The following GIGYF2 variants were observed in gnomAD, a reference collection of about 807,000 sequenced individuals.
GIGYF2 encodes the protein GRB10-interacting GYF protein 2.
A neutral mutation model predicts 208.1 loss-of-function variants in GIGYF2; 25 were observed. The ratio of observed to expected loss-of-function variants is 0.12; its 90% CI spans 0.09 to 0.17. The LOEUF is 0.17. GIGYF2 is among the 10% of genes least tolerant of loss of function. The pLI, the probability that GIGYF2 is intolerant of heterozygous loss-of-function variation, is 1.00. For synonymous variants in GIGYF2, 534 were observed against 543.8 expected (o/e 0.98, Z 0.25); for missense variants, 1,302 against 1,579.4 (o/e 0.82, Z 2.98).
At chr2:232,707,744 T>C (rs906113190) in intron 2 of GIGYF2, among the ~76,000 whole-genome samples, 13 of 151,846 alleles carry the variant, frequency 8.6e-5, no homozygotes, top group Admixed American at 6.6e-5. Context: ...TTCAAGCGAT[T>C]TTCCTGCCTC....
At chr2:232,830,060 A>C (rs576198469) in intron 21 of GIGYF2, among the ~76,000 whole-genome samples, 2 of 152,112 alleles carry the variant, frequency 1.3e-5, no homozygotes, top group Non-Finnish European at 2.9e-5. Flanking sequence ...ACTCACTACA[A>C]CCTTGAACTC....
At chr2:232,771,249 A>G in intron 8 of GIGYF2, 4 of 1,609,702 alleles carry the variant, frequency 2.5e-6, no homozygotes, top group Non-Finnish European at 3.4e-6. Context: ...GAAGATATGC[A>G]AGACCTCTTT....
chr2:232,710,015 A>C (rs1204277019), intron 2 of GIGYF2, among the ~76,000 whole-genome samples: 1 of 151,956 alleles, frequency 6.6e-6, no homozygotes, highest in South Asian at 2.1e-4. Context: ...GCTGGAGTGC[A>C]GTGGCGTGAT....
At chr2:232,726,295 GGA>G (rs1697198330) in intron 2 of GIGYF2, among the ~76,000 whole-genome samples, 1 of 151,582 alleles carries the variant, frequency 6.6e-6, no homozygotes, top group Non-Finnish European at 1.5e-5. Flanking sequence ...CTTGAACCTG[GGA>G]GGCGGAGGTT....
Position 232,735,189 on chromosome 2 carries a change from C to T in GIGYF2, c.-9C>T. ...CATATAAAAATCTATTGTAAAAATA[C>T]GGAAAAGAATGGCAGCGGAAACGCA... On this transcript the variant is annotated 5_prime_UTR_variant, in exon 3 of 29. In the 5' UTR this introduces an upstream ATG that the reference lacks. Coordinates refer to ENST00000373563, the MANE Select transcript of GIGYF2 (RefSeq NM_001103146.3). The T allele has an allele frequency of 2.5e-6, 4 of 1,590,802 alleles. No homozygotes were observed. The highest frequency in any genetic ancestry group is 3.5e-6 in the Non-Finnish European group (4 of 1,158,990).
At chr2:232,817,114 C>A (rs1052924299) in intron 20 of GIGYF2, 82 bp downstream of exon 20, 2 of 1,027,924 alleles carry the variant, frequency 1.9e-6, no homozygotes, top group African/African-American at 1.6e-5. Context: ...TTCACAGATA[C>A]TCCTGAAGTC....
At chr2:232,745,364 A>G (rs912523138) in intron 3 of GIGYF2, among the ~76,000 whole-genome samples, 1 of 152,164 alleles carries the variant, frequency 6.6e-6, no homozygotes, top group Non-Finnish European at 1.5e-5. Flanking sequence ...ACATTCTGAC[A>G]TACCAGATAG....
At chr2:232,756,371 G>A in intron 6 of GIGYF2, 37 bp downstream of exon 6, 1 of 1,090,252 alleles carries the variant, frequency 9.2e-7, no homozygotes. Context: ...AATGGAGGAG[G>A]AGGAGGAGGA....
chr2:232,823,496 G>A (rs950501727), intron 21 of GIGYF2, among the ~76,000 whole-genome samples: 7 of 151,502 alleles, frequency 4.6e-5, no homozygotes, highest in Non-Finnish European at 7.4e-5. Flanking sequence ...TGGGCCACAT[G>A]CTCATGCCAC....
intron 19 of GIGYF2, among the ~76,000 whole-genome samples, chr2:232,816,339 A>G (rs1439247198): frequency 6.6e-6 from 1 of 152,190 alleles, no homozygotes; most frequent in East Asian, 1.9e-4. Flanking sequence ...TACTTAATGC[A>G]TTCTTATCCC....
chr2:232,768,930 G>T, intron 8 of GIGYF2: 1 of 872,172 alleles, frequency 1.1e-6, no homozygotes, highest in Non-Finnish European at 1.8e-6. Flanking sequence ...GCCTTTCAGT[G>T]AGTCAGGAAT....
At chr2:232,824,128 C>T (rs1392811742) in intron 21 of GIGYF2, among the ~76,000 whole-genome samples, 1 of 152,172 alleles carries the variant, frequency 6.6e-6, no homozygotes, top group East Asian at 1.9e-4. Flanking sequence ...CTCTTCCTCT[C>T]CTTCGACCTC....
chr2:232,761,402 C>T lies in GIGYF2; in HGVS notation c.498C>T (p.Asp166=), dbSNP rs1276980199. The change falls in exon 8 of 29, where the codon GAC becomes GAT. Residue 166 remains aspartate, a synonymous_variant. Transcript: ENST00000373563. ...CTTATTTTTTCTTTTCCAGGGGTGA[C>T]AGACGTTTTGAAAAACCAGGACGAA... ...HRSQSWEERG[D]RRFEKPGRKD... 6.2e-7 allele frequency: 1 copy of T among 1,602,856 alleles called. No individual in the cohort carries two copies. Among genetic ancestry groups the T allele is most frequent in the South Asian group, 1.1e-5 (1 of 90,842 alleles).
chr2:232,730,669 C>T (rs1195410058), intron 2 of GIGYF2, among the ~76,000 whole-genome samples: 12 of 146,320 alleles, frequency 8.2e-5, no homozygotes, highest in Admixed American at 2.0e-4. Context: ...GAGGCCGAGG[C>T]GGGCGGATCA....
At chr2:232,730,608 A>G (rs1559388496) in intron 2 of GIGYF2, among the ~76,000 whole-genome samples, 3 of 139,268 alleles carry the variant, frequency 2.2e-5, no homozygotes, top group Non-Finnish European at 4.6e-5. Context: ...CAGTCTTAAA[A>G]AAAAAAAAGG....
At chr2:232,730,276 A>T in intron 2 of GIGYF2, 2 of 695,756 alleles carry the variant, frequency 2.9e-6, no homozygotes, top group Non-Finnish European at 5.0e-6. Context: ...AAGAGGAAAA[A>T]AATATTCTTA....
chr2:232,697,864 C>T (rs1319964604), intron 1 of GIGYF2, among the ~76,000 whole-genome samples: 2 of 152,234 alleles, frequency 1.3e-5, no homozygotes, highest in Non-Finnish European at 2.9e-5. Context: ...TGCCGGCTCT[C>T]CTGTCCACAC....
intron 20 of GIGYF2, among the ~76,000 whole-genome samples, chr2:232,818,253 C>G (rs900782025): frequency 1.3e-5 from 2 of 152,200 alleles, no homozygotes; most frequent in Admixed American, 1.3e-4. Context: ...AACCTTTTCT[C>G]TCTATTTTAG....
chr2:232,856,641 G>A (rs566799260), intron 28 of GIGYF2, 152 bp from the exon 29 acceptor site: 18 of 714,970 alleles, frequency 2.5e-5, no homozygotes, highest in South Asian at 1.6e-4. Context: ...GCTGTGAGCC[G>A]AGATCACGCC....
Sources: allele counts gnomAD v4.1 joint callset (sites outside exome capture counted in the v4.1 genomes callset), GRCh38; gene constraint gnomAD v4.1.1; transcripts MANE v1.5; gene names NCBI Gene and HGNC (gene_info 2026-07-23, HGNC 2026-07-21).